Variants in ZC3H6 observed in about 807,000 individuals in gnomAD.
The protein encoded by ZC3H6 is zinc finger CCCH-type containing 6.
A neutral mutation model predicts 107.7 loss-of-function variants in ZC3H6; 40 were observed. That is an observed-to-expected ratio of 0.37 (90% CI 0.29 to 0.48). The LOEUF (loss-of-function observed/expected upper bound fraction) is 0.48. ZC3H6 is among the 20% of genes least tolerant of loss of function. The pLI, the probability that ZC3H6 is intolerant of heterozygous loss-of-function variation, is 0.98. For missense variants in ZC3H6, 1,267 were observed against 1,410.4 expected, an observed-to-expected ratio of 0.90 and a Z score of 1.63; for synonymous variants, 493 against 487.9, an observed-to-expected ratio of 1.01 and a Z score of -0.14.
chr2:112,332,601 A>G lies in ZC3H6; in HGVS notation c.*113A>G, dbSNP rs1160218204. 2 of 1,057,770 alleles carry G rather than the reference A, an allele frequency of 1.9e-6. No homozygotes were observed. Among genetic ancestry groups the G allele is most frequent in the Non-Finnish European group, 2.7e-6 (2 of 751,572 alleles). The allele number at this position is 1,057,770 out of a possible 1,614,324, so 65.5% of individuals were successfully genotyped here. ...TATTTTTAAATTATAAACACTTTTC[A>G]GCTGCTAGTATCAGAACCACATGAA... On this transcript the variant is annotated 3_prime_UTR_variant, in exon 12 of 12. Transcript: ENST00000409871.
intron 11 of ZC3H6, among the ~76,000 whole-genome samples, chr2:112,325,808 TAAG>T (rs927072269): frequency 3.3e-5 from 5 of 152,124 alleles, no homozygotes; most frequent in African/African-American, 9.6e-5. Flanking sequence ...TCTGCTATAA[TAAG>T]AAATATTTTT....
At chr2:112,277,413 A>G (rs1686446786) in intron 1 of ZC3H6, among the ~76,000 whole-genome samples, 1 of 152,074 alleles carries the variant, frequency 6.6e-6, no homozygotes, top group Non-Finnish European at 1.5e-5. Flanking sequence ...AATATGGAAG[A>G]ATATCTGTTC....
chr2:112,315,871 C>T (rs1676686733), intron 5 of ZC3H6, among the ~76,000 whole-genome samples: 2 of 152,158 alleles, frequency 1.3e-5, no homozygotes, highest in Non-Finnish European at 2.9e-5. Flanking sequence ...GCATGAGCCA[C>T]CATGCCTGAT....
At chr2:112,289,591 C>T (rs1251782844) in intron 1 of ZC3H6, among the ~76,000 whole-genome samples, 2 of 152,114 alleles carry the variant, frequency 1.3e-5, no homozygotes, top group African/African-American at 2.4e-5. Context: ...TCCCAAAGTG[C>T]TGGGATTACA....
rs770278256 is a variant in ZC3H6, at chr2:112,332,390, A to G, written c.3472A>G (p.Ser1158Gly). 6.2e-7 allele frequency: 1 copy of G among 1,613,784 alleles called. No homozygotes were observed. The highest frequency in any genetic ancestry group is 1.7e-5 in the Admixed American group (1 of 60,022). ...GCAGGCAAGGCAGCCAGGACAGGGG[A>G]GCCCGACCCCAGATAATGATCCCGG... ...PRQARQPGQG[S>G]PTPDNDPGRE... Residue 1158 changes from serine (S) to glycine (G), a missense_variant, in exon 12 of 12, where the codon AGC becomes GGC. This residue lies in a region of ZC3H6 where 925 missense variants were observed against 1,025.7 expected (regional missense o/e 0.90). Transcript: ENST00000409871.
intron 1 of ZC3H6, among the ~76,000 whole-genome samples, chr2:112,298,719 G>A (rs934177368): frequency 6.6e-6 from 1 of 152,192 alleles, no homozygotes; most frequent in African/African-American, 2.4e-5. Context: ...GCCATGAAAT[G>A]TAAAATATTT....
chr2:112,279,352 G>C (rs1434361965), intron 1 of ZC3H6, among the ~76,000 whole-genome samples: 5 of 152,216 alleles, frequency 3.3e-5, no homozygotes, highest in African/African-American at 1.2e-4. Context: ...AGTAGGAAAA[G>C]ATAAATATAA....
At chr2:112,328,094 G>A (rs558971361) in intron 11 of ZC3H6, among the ~76,000 whole-genome samples, 3 of 152,166 alleles carry the variant, frequency 2.0e-5, no homozygotes, top group South Asian at 2.1e-4. Context: ...GTTTTACCAC[G>A]TTGGCCAGGT....
At chr2:112,309,562 GCCTTT>G (rs983164802) in intron 3 of ZC3H6, among the ~76,000 whole-genome samples, 1 of 152,062 alleles carries the variant, frequency 6.6e-6, no homozygotes. Flanking sequence ...TTTCAAAAAG[GCCTTT>G]TCATTTTTTG....
intron 1 of ZC3H6, among the ~76,000 whole-genome samples, chr2:112,291,142 G>T (rs1480713923): frequency 1.3e-5 from 2 of 152,218 alleles, no homozygotes; most frequent in African/African-American, 4.8e-5. Context: ...GGCATACCCT[G>T]TGTAAGCTAA....
intron 7 of ZC3H6, 65 bp from the exon 8 acceptor site, chr2:112,321,691 G>A (rs1676804800): frequency 4.8e-6 from 4 of 834,432 alleles, no homozygotes; most frequent in East Asian, 2.8e-5. Flanking sequence ...ACAGTTGTAG[G>A]TTTTGGTTTA....
chr2:112,296,971 A>G (rs1676251198), intron 1 of ZC3H6, among the ~76,000 whole-genome samples: 1 of 152,134 alleles, frequency 6.6e-6, no homozygotes, highest in Admixed American at 6.6e-5. Context: ...ATGACATCTA[A>G]ACTGCATCCG....
Position 112,338,209 on chromosome 2 carries a change from C to T in ZC3H6, c.*5721C>T, listed in dbSNP as rs1271032760. On this transcript the variant is annotated 3_prime_UTR_variant, in exon 12 of 12. Transcript: ENST00000409871. ...AAGTGATCTGCCCGCCTCAGCCTCCCAAAGTGCTGGGATTACAGGCGTGAG... is the reference window on the plus strand; with the variant it reads ...AAGTGATCTGCCCGCCTCAGCCTCCTAAAGTGCTGGGATTACAGGCGTGAG... 1 of 152,156 alleles carries T rather than the reference C, an allele frequency of 6.6e-6. No individual in the cohort carries two copies. Among genetic ancestry groups the T allele is most frequent in the Non-Finnish European group, 1.5e-5 (1 of 68,050 alleles). 9.4% of individuals were successfully genotyped at this position (152,156 alleles called of 1,614,324 possible).
At chr2:112,290,652 CTTT>C (rs67536026) in intron 1 of ZC3H6, among the ~76,000 whole-genome samples, 10 of 143,888 alleles carry the variant, frequency 6.9e-5, no homozygotes, top group Admixed American at 1.4e-4. Context: ...AATGAATGGC[CTTT>C]TTTTTTTTTT....
At chr2:112,281,586 T>C (rs1028079114) in intron 1 of ZC3H6, among the ~76,000 whole-genome samples, 9 of 152,116 alleles carry the variant, frequency 5.9e-5, no homozygotes, top group African/African-American at 2.2e-4. Flanking sequence ...ATGTGGACAA[T>C]GAGAGAATAG....
chr2:112,315,799 A>G (rs914353700), intron 5 of ZC3H6, among the ~76,000 whole-genome samples: 2 of 151,986 alleles, frequency 1.3e-5, no homozygotes, highest in African/African-American at 2.4e-5. Context: ...GGATTTCACT[A>G]TGTTGGCCAG....
intron 1 of ZC3H6, among the ~76,000 whole-genome samples, chr2:112,287,929 G>T (rs1686640350): frequency 6.6e-6 from 1 of 152,236 alleles, no homozygotes; most frequent in African/African-American, 2.4e-5. Context: ...GGAACTCTTT[G>T]TAAATAAAAT....
At chr2:112,322,245 C>T (rs1450821441) in intron 8 of ZC3H6, among the ~76,000 whole-genome samples, 3 of 151,094 alleles carry the variant, frequency 2.0e-5, no homozygotes, top group Non-Finnish European at 2.9e-5. Context: ...GGCAAGGTCT[C>T]GCTGTGTTGT....
chr2:112,286,292 G>C, intron 1 of ZC3H6: 1 of 264,198 alleles, frequency 3.8e-6, no homozygotes, highest in Non-Finnish European at 7.4e-6. Flanking sequence ...GTTAGGGTAA[G>C]CAGGTTTCAG....
Sources: gnomAD v4.1 joint callset for allele counts (sites outside exome capture counted in the v4.1 genomes callset) on GRCh38, gnomAD v4.1.1 for gene constraint, gnomAD v4.1.1 regional missense constraint, MANE v1.5 for transcripts, NCBI Gene and HGNC (gene_info 2026-07-23, HGNC 2026-07-21) for gene names.